The following CEP295 variants were observed in gnomAD, a reference collection of about 807,000 sequenced individuals.
CEP295 encodes the protein centrosomal protein 295, also known as centrosomal protein of 295 kDa.
In CEP295, 190 loss-of-function variants were observed where a neutral mutation model predicts 291.6. The observed-to-expected ratio is 0.65, with a 90% confidence interval of 0.58 to 0.73. CEP295 has a LOEUF of 0.73. CEP295 is among the 30% of genes least tolerant of loss of function. CEP295 has a pLI of 0.00. For missense variants in CEP295, 2,863 were observed against 2,949.4 expected, an observed-to-expected ratio of 0.97 and a Z score of 0.68; for synonymous variants, 993 against 1,038.8, an observed-to-expected ratio of 0.96 and a Z score of 0.85.
chr11:93,684,682 C>G (rs1347893973), intron 9 of CEP295, among the ~76,000 whole-genome samples: 1 of 152,182 alleles, frequency 6.6e-6, no homozygotes, highest in African/African-American at 2.4e-5. Context: ...AAACTGCATG[C>G]TTTTTGCAAG....
chr11:93,725,602 T>A, intron 22 of CEP295, 49 bp from the exon 23 acceptor site: 8 of 1,373,450 alleles, frequency 5.8e-6, no homozygotes, highest in Non-Finnish European at 7.8e-6. Flanking sequence ...TTGTTTCAAT[T>A]GTTAATACCT....
intron 12 of CEP295, among the ~76,000 whole-genome samples, chr11:93,692,408 A>G (rs1225492248): frequency 6.6e-6 from 1 of 152,214 alleles, no homozygotes; most frequent in Non-Finnish European, 1.5e-5. Flanking sequence ...AATATTAGAC[A>G]CTCAGATGGG....
chr11:93,679,421 C>T lies in CEP295; in HGVS notation c.634C>T (p.Arg212Cys), dbSNP rs111783199. ...TTTGATTGACTGCTAGCCAGATGCT[C>T]GTTTGGCTGCTGAAGAGGAAGCTAA... The part of the protein sequence containing the change: ...RETDTKRPDA[R>C]LAAEEEAKRL... The change falls in exon 7 of 30, where the codon CGT (arginine) becomes TGT (cysteine). Residue 212 changes from arginine (R) to cysteine (C), a missense_variant. By Grantham distance (180) the Arg-to-Cys change is radical. Around this residue, in one of 3 missense-constraint regions of CEP295, gnomAD observed 554 missense variants for 576.0 expected, o/e 0.96. Coordinates refer to ENST00000325212, the MANE Select transcript of CEP295 (RefSeq NM_033395.2). The T allele has an allele frequency of 1.6e-3, 2,436 of 1,548,786 alleles. 42 individuals carry two copies. In the African/African-American group the frequency reaches 0.03, roughly 19 times the overall value.
chr11:93,720,625 C>T (rs1341272352), intron 18 of CEP295, among the ~76,000 whole-genome samples: 1 of 152,154 alleles, frequency 6.6e-6, no homozygotes, highest in Non-Finnish European at 1.5e-5. Flanking sequence ...CGGGGTCTGG[C>T]TCTGTTGCAG....
intron 18 of CEP295, among the ~76,000 whole-genome samples, chr11:93,716,575 G>A (rs752593920): frequency 1.3e-5 from 2 of 152,208 alleles, no homozygotes; most frequent in Non-Finnish European, 2.9e-5. Flanking sequence ...AGTGCACTCA[G>A]ACCCAGCAGA....
intron 6 of CEP295, among the ~76,000 whole-genome samples, chr11:93,677,073 C>T (rs902747068): frequency 6.6e-6 from 1 of 151,978 alleles, no homozygotes; most frequent in African/African-American, 2.4e-5. Flanking sequence ...TTATTTGCTG[C>T]TTTACTGTAT....
intron 18 of CEP295, among the ~76,000 whole-genome samples, chr11:93,720,298 C>G (rs966992259): frequency 2.6e-5 from 4 of 151,472 alleles, no homozygotes; most frequent in African/African-American, 9.7e-5. Flanking sequence ...CATGGTGAAA[C>G]TCCGTCTCTA....
At position 93,698,673 on chromosome 11, in the gene CEP295, A is replaced by G. The variant is rs1267733430; in HGVS notation, c.3761A>G (p.Gln1254Arg). 6.4e-7 allele frequency: 1 copy of G among 1,550,736 alleles called. No homozygotes were observed. Among genetic ancestry groups the G allele is most frequent in the Admixed American group, 2.0e-5 (1 of 50,990 alleles). The change falls in exon 15 of 30, where the codon CAA becomes CGA. Residue 1254 changes from glutamine (Q) to arginine (R), a missense_variant. By Grantham distance (43) the Gln-to-Arg change is conservative (BLOSUM62 1). Around this residue, in one of 3 missense-constraint regions of CEP295, gnomAD observed 2,295 missense variants for 2,335.7 expected, o/e 0.98. Transcript: ENST00000325212. Reference protein sequence around the residue: ...LRVSQHMLPLQDNLEEHQAWL... With the variant: ...LRVSQHMLPLRDNLEEHQAWL... ...GTTTCACAACATATGCTACCTCTAC[A>G]AGATAATTTGGAGGAACACCAAGCA...
chr11:93,725,512 T>A, intron 22 of CEP295, 139 bp from the exon 23 acceptor site: 1 of 706,038 alleles, frequency 1.4e-6, no homozygotes, highest in African/African-American at 1.8e-5. Context: ...TGAAAAGAAC[T>A]GGATTTGAAA....
chr11:93,664,307 G>T (rs1006306259), intron 1 of CEP295, among the ~76,000 whole-genome samples: 1 of 152,078 alleles, frequency 6.6e-6, no homozygotes, highest in Non-Finnish European at 1.5e-5. Context: ...ACATATTTTT[G>T]TGTGTTGGAA....
In CEP295 at chr11:93,729,419, C is replaced by A. The variant is rs774995220; in HGVS notation, c.7303-15C>A. ...CGTTTAAAAAGAGTAAAACATGCAA[C>A]TTTCTTGCCATTAGGTGAGTGAGTT... On this transcript the variant is annotated splice_polypyrimidine_tract_variant and intron_variant, in intron 25 of 29. Coordinates refer to ENST00000325212, the MANE Select transcript of CEP295 (RefSeq NM_033395.2). 5 of 1,524,048 alleles carry A rather than the reference C, an allele frequency of 3.3e-6. No homozygotes were observed. The South Asian group carries it at 4.8e-5, about 15-fold the overall frequency. 94.4% of individuals were successfully genotyped at this position (1,524,048 alleles called of 1,614,324 possible).
chr11:93,724,707 C>T (rs971129016), intron 22 of CEP295, among the ~76,000 whole-genome samples: 6 of 152,028 alleles, frequency 3.9e-5, no homozygotes, highest in African/African-American at 1.4e-4. Context: ...GTGGAGGCTG[C>T]AGTGAGCTGA....
intron 10 of CEP295, among the ~76,000 whole-genome samples, chr11:93,690,649 G>A (rs902180400): frequency 3.4e-5 from 5 of 146,780 alleles, no homozygotes; most frequent in African/African-American, 1.0e-4. Context: ...GGAGAATGGT[G>A]TAAACCAGAG....
intron 7 of CEP295, 119 bp from the exon 8 acceptor site, chr11:93,683,436 CAAAT>C (rs1445012996): frequency 3.0e-6 from 2 of 667,274 alleles, no homozygotes; most frequent in East Asian, 6.1e-5. Flanking sequence ...TTTGGCTGAA[CAAAT>C]AATAGAGGAG....
chr11:93,692,218 T>C (rs1370261371), intron 12 of CEP295, among the ~76,000 whole-genome samples, 188 bp downstream of exon 12: 1 of 152,146 alleles, frequency 6.6e-6, no homozygotes, highest in Non-Finnish European at 1.5e-5. Flanking sequence ...TCAACCCTTA[T>C]TGTGTCTGCT....
rs767615787 is a variant in CEP295, at chr11:93,675,576, C to T, written c.534C>T (p.Ile178=). The T allele has an allele frequency of 2.7e-6, 4 of 1,470,978 alleles. No homozygotes were observed. Among genetic ancestry groups the T allele is most frequent in the Admixed American group, 5.4e-5 (2 of 36,978 alleles). 91.1% of individuals were successfully genotyped at this position (1,470,978 alleles called of 1,614,324 possible). A position where few individuals can be genotyped will look rare whatever the true frequency, so the allele number is the denominator to read the frequency against. The change falls in exon 6 of 30, where the codon ATC becomes ATT. Residue 178 remains isoleucine, a synonymous_variant. Coordinates refer to ENST00000325212, the MANE Select transcript of CEP295 (RefSeq NM_033395.2). ...PPPPPTLFEN[I]EVKRISAVKT... is the part of the protein sequence containing the mutation. ...TTTTATGTTCTCTTTTCCAGAACAT[C>T]GAAGTAAAAAGAATTTCTGCAGTCA... is the stretch of plus-strand genomic sequence containing the variant.
At chr11:93,672,898 A>G (rs1008955612) in intron 5 of CEP295, among the ~76,000 whole-genome samples, 3 of 152,192 alleles carry the variant, frequency 2.0e-5, no homozygotes, top group Non-Finnish European at 4.4e-5. Flanking sequence ...TCCAAATTCA[A>G]TCTATACATA....
At position 93,720,114 on chromosome 11, in the gene CEP295, TCAGGAGGCTAAGG is replaced by T. The variant is rs147989826; in HGVS notation, c.5750-1190_5750-1178del. 8.1e-3 allele frequency among the ~76,000 whole-genome samples: 1,201 copies of T among 149,184 alleles called. 21 individuals carry two copies. Among genetic ancestry groups the T allele is most frequent in the East Asian group, 0.054 (274 of 5,068 alleles). On this transcript the variant is annotated intron_variant, in intron 18 of 29. Coordinates refer to ENST00000325212, the MANE Select transcript of CEP295 (RefSeq NM_033395.2). Reference sequence around the variant, plus strand: ...GGCTCATGCCTATAATCCCAGCTACTCAGGAGGCTAAGGCAGGAGGATCACTTCAGGCTAGCAG... The same window carrying T: ...GGCTCATGCCTATAATCCCAGCTACTCAGGAGGATCACTTCAGGCTAGCAG...
At chr11:93,683,347 G>A (rs1162504447) in intron 7 of CEP295, among the ~76,000 whole-genome samples, 1 of 152,210 alleles carries the variant, frequency 6.6e-6, no homozygotes. Flanking sequence ...TACTAGGGTA[G>A]GGTTGAGATT....
Sources: allele counts gnomAD v4.1 joint callset (sites outside exome capture counted in the v4.1 genomes callset), GRCh38; gene constraint gnomAD v4.1.1; regional missense constraint gnomAD v4.1.1; transcripts MANE v1.5; gene names NCBI Gene and HGNC (gene_info 2026-07-23, HGNC 2026-07-21).